CAPZA2: variants seen among roughly 807,000 people sequenced by gnomAD.
CAPZA2 encodes the protein capping actin protein of muscle Z-line subunit alpha 2, also known as F-actin-capping protein subunit alpha-2.
A neutral mutation model predicts 44.0 loss-of-function variants in CAPZA2; 13 were observed. The observed-to-expected ratio is 0.30, with a 90% CI of 0.19 to 0.47. The LOEUF is 0.47. CAPZA2 is among the 20% of genes least tolerant of loss of function. The pLI, the probability that CAPZA2 is intolerant of heterozygous loss-of-function variation, is 1.00. For synonymous variants in CAPZA2, 94 were observed against 108.2 expected (o/e 0.87, Z 0.81); for missense variants, 244 against 338.6 (o/e 0.72, Z 2.19).
intron 1 of CAPZA2, among the ~76,000 whole-genome samples, chr7:116,885,349 A>G (rs548175775): frequency 2.4e-4 from 36 of 149,682 alleles, no homozygotes; most frequent in South Asian, 1.9e-3. Flanking sequence ...GTATTCTCCC[A>G]CTCAGCACAA....
At chr7:116,882,400 T>C (rs775859327) in intron 1 of CAPZA2, among the ~76,000 whole-genome samples, 21 of 152,186 alleles carry the variant, frequency 1.4e-4, no homozygotes, top group Non-Finnish European at 2.4e-4. Flanking sequence ...TATGGACTCA[T>C]AGATTCTTGT....
chr7:116,892,615 A>G (rs1354865064), intron 2 of CAPZA2, among the ~76,000 whole-genome samples: 2 of 152,050 alleles, frequency 1.3e-5, no homozygotes, highest in Admixed American at 6.5e-5. Context: ...GCCACACATA[A>G]AATACACTAA....
chr7:116,913,387 G>A (rs766111775), intron 8 of CAPZA2, among the ~76,000 whole-genome samples: 3 of 152,074 alleles, frequency 2.0e-5, no homozygotes, highest in Admixed American at 1.3e-4. Flanking sequence ...TTATATAATA[G>A]TTTTAGCTCT....
intron 1 of CAPZA2, among the ~76,000 whole-genome samples, chr7:116,881,879 A>C (rs945872589): frequency 6.6e-6 from 1 of 151,284 alleles, no homozygotes; most frequent in Non-Finnish European, 1.5e-5. Flanking sequence ...ACAGTTTCTC[A>C]GCATTGTTTA....
intron 2 of CAPZA2, among the ~76,000 whole-genome samples, chr7:116,891,074 T>G (rs964514135): frequency 5.3e-5 from 8 of 152,196 alleles, no homozygotes; most frequent in Non-Finnish European, 1.2e-4. Flanking sequence ...AAATCTACAT[T>G]CCTTACATCT....
chr7:116,888,216 G>C (rs1359923524), intron 2 of CAPZA2, 26 bp downstream of exon 2: 8 of 1,480,854 alleles, frequency 5.4e-6, no homozygotes, highest in Non-Finnish European at 7.5e-6. Flanking sequence ...ATAACACTAG[G>C]CTTGATATAT....
chr7:116,917,171 T>G (rs183396751), intron 9 of CAPZA2, among the ~76,000 whole-genome samples: 8 of 152,290 alleles, frequency 5.3e-5, no homozygotes, highest in African/African-American at 1.7e-4. Flanking sequence ...CACACAAATA[T>G]TAAGTCTAAT....
rs370584896 is a variant in CAPZA2 at position 116,917,878 on chromosome 7, G to A, written c.*11G>A. On this transcript the variant is annotated 3_prime_UTR_variant, in exon 10 of 10. Coordinates refer to ENST00000361183, the MANE Select transcript of CAPZA2 (RefSeq NM_006136.3). ...ATGCAGAATGCATAAGATGAACATT[G>A]CATGACCGGATCATTTTAGTGTCTT... is the stretch of plus-strand genomic sequence containing the variant. 6 of 1,608,018 alleles carry A rather than the reference G, an allele frequency of 3.7e-6. No homozygotes were observed. The highest frequency in any genetic ancestry group is 1.3e-5 in the African/African-American group (1 of 74,822).
chr7:116,904,424 A>C (rs755222128), intron 5 of CAPZA2, 41 bp downstream of exon 5: 2 of 1,222,300 alleles, frequency 1.6e-6, no homozygotes, highest in Non-Finnish European at 2.4e-6. Context: ...GTTTTGTGTA[A>C]ATGTGAGTCT....
intron 4 of CAPZA2, among the ~76,000 whole-genome samples, chr7:116,901,742 A>G (rs1171925778): frequency 6.6e-6 from 1 of 152,118 alleles, no homozygotes; most frequent in Non-Finnish European, 1.5e-5. Flanking sequence ...CCATTCTTAG[A>G]TAGAAAATTA....
At chr7:116,881,392 T>C (rs1796695921) in intron 1 of CAPZA2, among the ~76,000 whole-genome samples, 2 of 152,184 alleles carry the variant, frequency 1.3e-5, no homozygotes, top group Admixed American at 1.3e-4. Flanking sequence ...GGAATTTTTT[T>C]CCCCAGTCTT....
intron 3 of CAPZA2, among the ~76,000 whole-genome samples, chr7:116,893,864 C>CT (rs1796884345): frequency 6.6e-6 from 1 of 152,180 alleles, no homozygotes; most frequent in Non-Finnish European, 1.5e-5. Flanking sequence ...CCAGCCATGA[C>CT]TTTTCGCAGC....
intron 2 of CAPZA2, among the ~76,000 whole-genome samples, chr7:116,890,571 CATATATATATATATATATATATATAT>C (rs1190220652): frequency 0.016 from 388 of 24,976 alleles, 6 homozygotes; most frequent in South Asian, 0.051. Context: ...TATATATACA[CATATATATATATATATATATATATAT>C]ACACACACAC....
At chr7:116,912,820 A>G (rs1486524155) in intron 8 of CAPZA2, among the ~76,000 whole-genome samples, 1 of 152,174 alleles carries the variant, frequency 6.6e-6, no homozygotes, top group African/African-American at 2.4e-5. Context: ...TGGTATATAC[A>G]TAGGAGTGGA....
At chr7:116,897,175 T>C (rs1222084682) in intron 3 of CAPZA2, among the ~76,000 whole-genome samples, 1 of 152,176 alleles carries the variant, frequency 6.6e-6, no homozygotes, top group Non-Finnish European at 1.5e-5. Context: ...TTTAAACTTA[T>C]TTAAATATGA....
At position 116,919,143 on chromosome 7, in the gene CAPZA2, T is replaced by C. The variant is rs1791727295; in HGVS notation, c.*1276T>C. 1 of 152,258 alleles carries C rather than the reference T, an allele frequency of 6.6e-6. No individual in the cohort carries two copies. Among genetic ancestry groups the C allele is most frequent in the Non-Finnish European group, 1.5e-5 (1 of 67,984 alleles). The allele number at this position is 152,258 out of a possible 1,614,324, so 9.4% of individuals were successfully genotyped here. On this transcript the variant is annotated 3_prime_UTR_variant, in exon 10 of 10. Coordinates refer to ENST00000361183, the MANE Select transcript of CAPZA2 (RefSeq NM_006136.3). ...CACTTTTATTATGTACAATAAAATA[T>C]TTCATTAGCTTGAATTGTATAGATT...
intron 1 of CAPZA2, among the ~76,000 whole-genome samples, chr7:116,866,362 G>T (rs1423607902): frequency 6.6e-6 from 1 of 151,714 alleles, no homozygotes; most frequent in Non-Finnish European, 1.5e-5. Flanking sequence ...TAGTAGAGAC[G>T]GGGTTTCACC....
chr7:116,886,892 C>T (rs1260583592), intron 1 of CAPZA2, among the ~76,000 whole-genome samples: 2 of 152,224 alleles, frequency 1.3e-5, no homozygotes, highest in Non-Finnish European at 2.9e-5. Flanking sequence ...ACATCATCTA[C>T]CCTCTCAGAT....
At chr7:116,874,189 C>A in intron 1 of CAPZA2, 1 of 156,984 alleles carries the variant, frequency 6.4e-6, no homozygotes. Flanking sequence ...TTGATCACAG[C>A]TTCTCATATC....
Sources: allele counts gnomAD v4.1 joint callset (sites outside exome capture counted in the v4.1 genomes callset), GRCh38; gene constraint gnomAD v4.1.1; transcripts MANE v1.5; gene names NCBI Gene and HGNC (gene_info 2026-07-23, HGNC 2026-07-21).